Variants in ATE1 observed in about 807,000 individuals in gnomAD.
ATE1 encodes the protein arginyl-tRNA--protein transferase 1.
A neutral mutation model predicts 70.5 loss-of-function variants in ATE1; 36 were observed. The observed-to-expected ratio is 0.51, with a 90% CI of 0.39 to 0.67. The LOEUF (loss-of-function observed/expected upper bound fraction) is 0.67. Among genes scored for constraint, ATE1 ranks in the 30% least tolerant of loss-of-function variants. ATE1 has a pLI of 0.00. For missense variants in ATE1, 593 were observed against 629.5 expected (o/e 0.94, Z 0.62); for synonymous variants, 232 against 219.3 (o/e 1.06, Z -0.51).
At chr10:121,753,267 T>C (rs947304731) in intron 11 of ATE1, among the ~76,000 whole-genome samples, 1 of 152,210 alleles carries the variant, frequency 6.6e-6, no homozygotes, top group Non-Finnish European at 1.5e-5. Context: ...AGAGACAGTG[T>C]TTCTTCTTCC....
intron 10 of ATE1, among the ~76,000 whole-genome samples, chr10:121,815,237 G>A (rs1387286055): frequency 6.6e-6 from 1 of 152,180 alleles, no homozygotes; most frequent in Non-Finnish European, 1.5e-5. Context: ...CCGGGTTCAC[G>A]CCATTCTCCT....
intron 8 of ATE1, among the ~76,000 whole-genome samples, chr10:121,842,741 A>G (rs1382126275): frequency 6.6e-6 from 1 of 152,202 alleles, no homozygotes; most frequent in Admixed American, 6.5e-5. Context: ...ATAGGTCAAA[A>G]GAAGAAGTAT....
intron 8 of ATE1, among the ~76,000 whole-genome samples, chr10:121,868,996 A>G (rs1386420329): frequency 6.6e-6 from 1 of 152,262 alleles, no homozygotes; most frequent in Non-Finnish European, 1.5e-5. Flanking sequence ...TATGATTTGA[A>G]GAAGTTGGGA....
intron 11 of ATE1, among the ~76,000 whole-genome samples, chr10:121,777,403 C>T (rs180966641): frequency 1.2e-3 from 184 of 152,106 alleles, no homozygotes; most frequent in African/African-American, 4.0e-3. Context: ...AAGATTTGAG[C>T]GATTCTAAGA....
At position 121,898,976 on chromosome 10, in the gene ATE1, A is replaced by G. The variant is rs1207819764; in HGVS notation, c.942+890T>C. On this transcript the variant is annotated intron_variant, in intron 7 of 11. Transcript: ENST00000224652. The stretch of plus-strand genomic sequence containing the variant: ...AGACAGGTACTAACCTCACCTTCAG[A>G]GCAAGGAAAATACAAGCAAATGCTA... 1.9e-6 allele frequency: 3 copies of G among 1,612,276 alleles called. No homozygotes were observed. The African/African-American group carries it at 4.0e-5, about 22-fold the overall frequency.
chr10:121,785,514 CTGTGGGCATA>C (rs1946168356), intron 11 of ATE1, among the ~76,000 whole-genome samples: 1 of 152,006 alleles, frequency 6.6e-6, no homozygotes, highest in Non-Finnish European at 1.5e-5. Context: ...CTTACTTTTT[CTGTGGGCATA>C]TGCTAGAGAA....
chr10:121,786,639 C>CAAAA (rs34356088), intron 11 of ATE1, among the ~76,000 whole-genome samples: 1 of 149,616 alleles, frequency 6.7e-6, no homozygotes, highest in South Asian at 2.1e-4. Context: ...AGCCTGGCCT[C>CAAAA]AAAAAAAAAA....
At chr10:121,773,331 T>C (rs561441803) in intron 11 of ATE1, among the ~76,000 whole-genome samples, 1 of 152,346 alleles carries the variant, frequency 6.6e-6, no homozygotes, top group East Asian at 1.9e-4. Flanking sequence ...CTTCTTGTCA[T>C]TCAATAAGCA....
At chr10:121,751,444 G>A (rs1214274821) in intron 11 of ATE1, among the ~76,000 whole-genome samples, 3 of 152,172 alleles carry the variant, frequency 2.0e-5, no homozygotes, top group Non-Finnish European at 4.4e-5. Context: ...GTATACAAAG[G>A]TTCCAATTTC....
chr10:121,762,657 C>T (rs764928881), intron 11 of ATE1, among the ~76,000 whole-genome samples: 20 of 152,196 alleles, frequency 1.3e-4, no homozygotes, highest in Admixed American at 1.0e-3. Flanking sequence ...GTGTGCCCTG[C>T]GAGGGGATGG....
chr10:121,847,938 G>T (rs570311341), intron 8 of ATE1, among the ~76,000 whole-genome samples: 2 of 151,830 alleles, frequency 1.3e-5, no homozygotes, highest in African/African-American at 4.8e-5. Context: ...AGGTGTGGTG[G>T]CACGTGCCTG....
intron 7 of ATE1, among the ~76,000 whole-genome samples, chr10:121,897,173 T>C (rs374023304): frequency 6.6e-5 from 10 of 152,200 alleles, no homozygotes; most frequent in African/African-American, 2.2e-4. Flanking sequence ...ATTCAGACTA[T>C]GAATGCCTTT....
At chr10:121,789,315 T>TTTTG (rs1194633764) in intron 11 of ATE1, among the ~76,000 whole-genome samples, 1 of 149,366 alleles carries the variant, frequency 6.7e-6, no homozygotes, top group Non-Finnish European at 1.5e-5. Flanking sequence ...TTTTTTTTTT[T>TTTTG]TGAGACAGAG....
At chr10:121,777,881 C>T (rs979134846) in intron 11 of ATE1, among the ~76,000 whole-genome samples, 1 of 152,084 alleles carries the variant, frequency 6.6e-6, no homozygotes, top group African/African-American at 2.4e-5. Flanking sequence ...GTAAAATAAG[C>T]TTAAAATGTT....
At chr10:121,884,514 C>G in intron 7 of ATE1, among the ~76,000 whole-genome samples, 1 of 152,022 alleles carries the variant, frequency 6.6e-6, no homozygotes, top group East Asian at 1.9e-4. Flanking sequence ...TGCTTGAACC[C>G]TGGAGTTCAA....
chr10:121,854,702 A>T (rs1949181779), intron 8 of ATE1, among the ~76,000 whole-genome samples: 1 of 152,214 alleles, frequency 6.6e-6, no homozygotes. Flanking sequence ...GGTCAGGCAG[A>T]CAGTTAGGAT....
Position 121,841,198 on chromosome 10 carries a change from G to C in ATE1, c.1041C>G (p.Asp347Glu). 6.3e-7 allele frequency: 1 copy of C among 1,597,088 alleles called. No homozygotes were observed. ...TCACCCCCACAGCAATGATCTTTCCGTCAAGCCAGTACTGCTGGTGAAAGG... is the reference window on the plus strand; with the variant it reads ...TCACCCCCACAGCAATGATCTTTCCCTCAAGCCAGTACTGCTGGTGAAAGG... ...YGSFHQQYWL[D>E]GKIIAVGVID... Residue 347 changes from aspartate to glutamate, a missense_variant, in exon 9 of 12, where the codon GAC becomes GAG. By Grantham distance (45) the Asp-to-Glu change is conservative. Coordinates refer to ENST00000224652, the MANE Select transcript of ATE1 (RefSeq NM_001001976.3).
chr10:121,869,968 T>C, intron 8 of ATE1, 38 bp downstream of exon 8: 1 of 1,556,158 alleles, frequency 6.4e-7, no homozygotes, highest in Non-Finnish European at 8.8e-7. Context: ...GGTGTTCAAT[T>C]ACCAATTCTA....
chr10:121,770,139 G>C lies in ATE1; in HGVS notation c.1378+20030C>G, dbSNP rs7898371. On this transcript the variant is annotated intron_variant, in intron 11 of 11. Coordinates refer to ENST00000224652, the MANE Select transcript of ATE1 (RefSeq NM_001001976.3). ...GTGAATGGTTAAATGGCTAAACGAA[G>C]TATAACATATCTAACATCCATGCCA... Among the ~76,000 whole-genome samples, 788 of 151,360 alleles carry C rather than the reference G, an allele frequency of 5.2e-3. 7 individuals carry two copies. The highest frequency in any genetic ancestry group is 0.018 in the African/African-American group (755 of 41,260).
Sources: gnomAD v4.1 joint callset for allele counts (sites outside exome capture counted in the v4.1 genomes callset) on GRCh38, gnomAD v4.1.1 for gene constraint, MANE v1.5 for transcripts, NCBI Gene and HGNC (gene_info 2026-07-23, HGNC 2026-07-21) for gene names.